Variants in ELOVL4 observed in about 807,000 individuals in gnomAD.
The protein encoded by ELOVL4 is very long chain fatty acid elongase 4.
A neutral mutation model predicts 42.1 loss-of-function variants in ELOVL4; 18 were observed. That is an observed-to-expected ratio of 0.43 (90% CI 0.30 to 0.63). The LOEUF (loss-of-function observed/expected upper bound fraction) is 0.63. Ranked by LOEUF, ELOVL4 falls within the 30% of genes least tolerant of loss-of-function variation. ELOVL4 has a pLI of 0.15. For synonymous variants in ELOVL4, 117 were observed against 127.0 expected (o/e 0.92, Z 0.53); for missense variants, 299 against 376.2 (o/e 0.79, Z 1.70).
intron 3 of ELOVL4, 53 bp downstream of exon 3, chr6:79,924,899 C>A: frequency 9.6e-7 from 1 of 1,047,066 alleles, no homozygotes. Context: ...CAGACTGGGG[C>A]CTATAAAAAT....
chr6:79,939,503 C>CTTTATTTATTTATTTATTTA (rs70977795), intron 1 of ELOVL4, among the ~76,000 whole-genome samples: 1 of 145,452 alleles, frequency 6.9e-6, no homozygotes, highest in African/African-American at 2.6e-5. Context: ...AATTTGACTA[C>CTTTATTTATTTATTTATTTA]TTTATTTATT....
chr6:79,921,758 T>C lies in ELOVL4; in HGVS notation c.408A>G (p.Gly136=). 6.2e-7 allele frequency: 1 copy of C among 1,614,018 alleles called. No homozygotes were observed. Among genetic ancestry groups the C allele is most frequent in the South Asian group, 1.1e-5 (1 of 91,076 alleles). Residue 136 remains glycine, a synonymous_variant, in exon 4 of 6, where the codon GGA becomes GGG. Coordinates refer to ENST00000369816, the MANE Select transcript of ELOVL4 (RefSeq NM_022726.4). ...AAAACACTGTGTCCAAATACTCAAC[T>C]CCTTTAGATACAAAGTACCACCACA... ...AALWWYFVSK[G]VEYLDTVFFI...
intron 1 of ELOVL4, 130 bp downstream of exon 1, chr6:79,947,050 C>G: frequency 1.3e-6 from 1 of 765,624 alleles, no homozygotes; most frequent in South Asian, 1.5e-5. Context: ...GCCGGCCCCT[C>G]CGCTGATCCG....
chr6:79,945,834 G>A (rs185841505), intron 1 of ELOVL4, among the ~76,000 whole-genome samples: 29 of 151,834 alleles, frequency 1.9e-4, no homozygotes, highest in Admixed American at 1.4e-3. Context: ...ATTGAAAACT[G>A]CCTTTTAACC....
At chr6:79,921,855 C>T (rs1774262142) in intron 3 of ELOVL4, 59 bp from the exon 4 acceptor site, 2 of 1,520,718 alleles carry the variant, frequency 1.3e-6, no homozygotes, top group Non-Finnish European at 1.8e-6. Flanking sequence ...TGGGTTTATA[C>T]TCATTGTAAG....
intron 1 of ELOVL4, among the ~76,000 whole-genome samples, chr6:79,928,144 A>G (rs1774375271): frequency 6.6e-6 from 1 of 152,070 alleles, no homozygotes; most frequent in East Asian, 1.9e-4. Context: ...AACCCCCTAT[A>G]TTAGAGAAGA....
intron 1 of ELOVL4, among the ~76,000 whole-genome samples, chr6:79,931,223 T>A (rs1218629189): frequency 1.3e-5 from 2 of 152,210 alleles, no homozygotes; most frequent in Non-Finnish European, 2.9e-5. Context: ...CCTTCATGTG[T>A]TAATAAATTT....
chr6:79,935,968 T>G (rs1774535056), intron 1 of ELOVL4, among the ~76,000 whole-genome samples: 1 of 152,194 alleles, frequency 6.6e-6, no homozygotes, highest in Non-Finnish European at 1.5e-5. Flanking sequence ...AATCAGAATC[T>G]GCATTTTAAT....
chr6:79,945,190 C>T (rs772319071), intron 1 of ELOVL4, among the ~76,000 whole-genome samples: 2 of 152,114 alleles, frequency 1.3e-5, no homozygotes, highest in Non-Finnish European at 2.9e-5. Flanking sequence ...TAAGGTAGCT[C>T]ATTACAGAAA....
rs373242415 is a variant in ELOVL4 at position 79,916,705 on chromosome 6, A to G, written c.848T>C (p.Met283Thr). The stretch of plus-strand genomic sequence containing the variant: ...CACACCATTTGCTGAAATACCATTC[A>G]TGGCTGTTTTTCCAGCTTTTGGTTT... ...PKKPKAGKTAMNGISANGVSK... is the reference protein window; with the variant it reads ...PKKPKAGKTATNGISANGVSK... The change falls in exon 6 of 6, where the codon ATG becomes ACG. Residue 283 changes from methionine to threonine, a missense_variant. Transcript: ENST00000369816. The G allele has an allele frequency of 9.9e-6, 16 of 1,614,004 alleles. No individual in the cohort carries two copies. The Admixed American group carries it at 1.5e-4, about 15-fold the overall frequency.
At chr6:79,931,669 G>C (rs1235247391) in intron 1 of ELOVL4, among the ~76,000 whole-genome samples, 1 of 152,126 alleles carries the variant, frequency 6.6e-6, no homozygotes, top group Admixed American at 6.5e-5. Context: ...TCAAAGCCAT[G>C]ACACAGAATA....
At chr6:79,918,930 C>T (rs1360474323) in intron 5 of ELOVL4, among the ~76,000 whole-genome samples, 1 of 152,170 alleles carries the variant, frequency 6.6e-6, no homozygotes, top group African/African-American at 2.4e-5. Context: ...TGCCCCACCC[C>T]TTCCTTGGCT....
intron 1 of ELOVL4, among the ~76,000 whole-genome samples, chr6:79,932,501 C>T (rs933567703): frequency 1.3e-5 from 2 of 151,570 alleles, no homozygotes; most frequent in East Asian, 1.9e-4. Context: ...ACTGGAATCA[C>T]GCACTGCACT....
chr6:79,929,415 A>AT (rs1561986896), intron 1 of ELOVL4, among the ~76,000 whole-genome samples: 1 of 151,988 alleles, frequency 6.6e-6, no homozygotes, highest in Non-Finnish European at 1.5e-5. Context: ...TACTTTTTGT[A>AT]TTTTTTGTAG....
intron 1 of ELOVL4, among the ~76,000 whole-genome samples, chr6:79,931,781 G>C (rs1774449699): frequency 6.6e-6 from 1 of 152,208 alleles, no homozygotes; most frequent in Admixed American, 6.5e-5. Flanking sequence ...TTTTCAGAGA[G>C]AGGAATTAGA....
Position 79,939,455 on chromosome 6 carries a change from A to G in ELOVL4, c.100+7725T>C, listed in dbSNP as rs536209707. Among the ~76,000 whole-genome samples the G allele has an allele frequency of 5.5e-4, 84 of 152,074 alleles. 1 individual carries two copies. The South Asian group carries it at 8.3e-3, about 15-fold the overall frequency. ...CAAGTCATCAGTTCTCCTTCTCCCCAGGCCCTAGCAAACATCTTTCTACTT... is the reference window on the plus strand; with the variant it reads ...CAAGTCATCAGTTCTCCTTCTCCCCGGGCCCTAGCAAACATCTTTCTACTT... On this transcript the variant is annotated intron_variant, in intron 1 of 5. Transcript: ENST00000369816.
chr6:79,940,523 G>A (rs1262543615), intron 1 of ELOVL4, among the ~76,000 whole-genome samples: 3 of 151,998 alleles, frequency 2.0e-5, no homozygotes, highest in African/African-American at 7.3e-5. Flanking sequence ...CATATATAAA[G>A]TGTTTATAAT....
At position 79,947,434 on chromosome 6, in the gene ELOVL4, GC is replaced by G. The variant is rs1285360168; in HGVS notation, c.-156del. The G allele has an allele frequency of 1.5e-6, 1 of 657,376 alleles. No individual in the cohort carries two copies. The highest frequency in any genetic ancestry group is 2.7e-6 in the Non-Finnish European group (1 of 370,348). 40.7% of individuals were successfully genotyped at this position (657,376 alleles called of 1,614,324 possible). Reference sequence around the variant, plus strand: ...GTCTTCTCCTGCTCCTCAAGGCGCCGCGGCGGCGGGGATGCGGCAGAAGGCA... The same window carrying G: ...GTCTTCTCCTGCTCCTCAAGGCGCCGGGCGGCGGGGATGCGGCAGAAGGCA... On this transcript the variant is annotated 5_prime_UTR_variant, in exon 1 of 6. Transcript: ENST00000369816.
intron 1 of ELOVL4, among the ~76,000 whole-genome samples, chr6:79,927,010 T>A (rs1478708305): frequency 6.6e-6 from 1 of 152,206 alleles, no homozygotes; most frequent in East Asian, 1.9e-4. Context: ...TTCCCATGAA[T>A]AACTAACTTG....
Sources: gnomAD v4.1 joint callset for allele counts (sites outside exome capture counted in the v4.1 genomes callset) on GRCh38, gnomAD v4.1.1 for gene constraint, MANE v1.5 for transcripts, NCBI Gene and HGNC (gene_info 2026-07-23, HGNC 2026-07-21) for gene names.